The following LCORL variants were observed in gnomAD, a reference collection of about 807,000 sequenced individuals.
The protein encoded by LCORL is ligand-dependent nuclear receptor corepressor-like protein.
Under a neutral mutation model 141.8 loss-of-function variants are expected in LCORL, and 41 were observed. The observed-to-expected ratio is 0.29, with a 90% confidence interval of 0.23 to 0.38. LCORL has a LOEUF of 0.38. LCORL is among the 10% of genes least tolerant of loss of function. The probability of loss-of-function intolerance (pLI) is 1.00; values close to 1 mark genes in which losing one functional copy is unlikely to be tolerated. For synonymous variants in LCORL, 618 were observed against 694.1 expected (o/e 0.89, Z 1.72); for missense variants, 1,759 against 2,035.0 (o/e 0.86, Z 2.61).
At chr4:17,856,323 C>T (rs1211614580) in intron 7 of LCORL, among the ~76,000 whole-genome samples, 4 of 152,054 alleles carry the variant, frequency 2.6e-5, no homozygotes, top group African/African-American at 4.8e-5. Context: ...TAATTAAGGT[C>T]GTAAGAGTGA....
At chr4:18,002,799 A>G (rs572045417) in intron 1 of LCORL, among the ~76,000 whole-genome samples, 14 of 152,300 alleles carry the variant, frequency 9.2e-5, no homozygotes, top group South Asian at 4.1e-4. Context: ...GTCTTCATAT[A>G]TTCTCTTGGG....
chr4:17,941,984 T>C (rs1285729549), intron 4 of LCORL, among the ~76,000 whole-genome samples: 7 of 152,132 alleles, frequency 4.6e-5, no homozygotes, highest in Non-Finnish European at 7.4e-5. Context: ...TTTAAAGTTA[T>C]TGTCTAGAGG....
chr4:17,987,410 G>C (rs1481503321), intron 1 of LCORL, among the ~76,000 whole-genome samples: 2 of 152,054 alleles, frequency 1.3e-5, no homozygotes, highest in African/African-American at 4.8e-5. Flanking sequence ...TTTTATTGCT[G>C]AATAGCAGTC....
chr4:17,885,642 T>C (rs1728165070), intron 6 of LCORL, among the ~76,000 whole-genome samples: 2 of 152,072 alleles, frequency 1.3e-5, no homozygotes, highest in East Asian at 3.9e-4. Flanking sequence ...TGCCACCACA[T>C]CTAAAGTGCA....
chr4:17,842,289 A>G, exon 8 of LCORL: 1 of 1,605,916 alleles, frequency 6.2e-7, no homozygotes, highest in Non-Finnish European at 8.5e-7. Context: ...AATCCTGATA[A>G]TGAATTATAC....
At chr4:17,999,170 C>T (rs57491254) in intron 1 of LCORL, among the ~76,000 whole-genome samples, 11,177 of 51,088 alleles carry the variant, frequency 0.22, 1,421 homozygotes, top group African/African-American at 0.45. Flanking sequence ...ATGCATTGCA[C>T]CACAACCATT....
At chr4:17,965,458 C>G (rs1714679183) in intron 2 of LCORL, among the ~76,000 whole-genome samples, 1 of 152,072 alleles carries the variant, frequency 6.6e-6, no homozygotes, top group Non-Finnish European at 1.5e-5. Context: ...GATGTTATCT[C>G]TCTTTTTGAA....
intron 4 of LCORL, among the ~76,000 whole-genome samples, chr4:17,929,876 T>A (rs1735724153): frequency 6.6e-6 from 1 of 152,086 alleles, no homozygotes. Flanking sequence ...GGGTCCAATA[T>A]CCACCATACA....
chr4:17,925,190 G>C (rs1577438145), intron 4 of LCORL, among the ~76,000 whole-genome samples: 2 of 152,316 alleles, frequency 1.3e-5, no homozygotes, highest in Non-Finnish European at 2.9e-5. Flanking sequence ...GGCTAAGAAG[G>C]GAGTTACAGT....
Position 17,897,223 on chromosome 4 carries a change from T to C in LCORL, c.683-11062A>G, listed in dbSNP as rs1446050053. Among the ~76,000 whole-genome samples, 82 of 102,636 alleles carry C rather than the reference T, an allele frequency of 8.0e-4. 8 individuals are homozygous for C. The highest frequency in any genetic ancestry group is 3.7e-3 in the African/African-American group (66 of 17,646). 67.3% of individuals were successfully genotyped at this position (102,636 alleles called of 152,430 possible). A position where few individuals can be genotyped will look rare whatever the true frequency, so the allele number is the denominator to read the frequency against. On this transcript the variant is annotated intron_variant, in intron 5 of 7. Transcript: ENST00000635767. ...TTGATATACTGATTTCTTTTTTTTT[T>C]TTTTTTTTTTTTTTTTTTTTTTTTT...
At chr4:17,869,186 C>T (rs1376486751) in intron 7 of LCORL, among the ~76,000 whole-genome samples, 1 of 151,816 alleles carries the variant, frequency 6.6e-6, no homozygotes, top group Non-Finnish European at 1.5e-5. Flanking sequence ...TCTTTATCTT[C>T]AATTGTTTAT....
At chr4:17,861,998 C>G (rs753152517) in intron 7 of LCORL, among the ~76,000 whole-genome samples, 1 of 152,208 alleles carries the variant, frequency 6.6e-6, no homozygotes, top group Non-Finnish European at 1.5e-5. Flanking sequence ...CTAGGAAGTT[C>G]CAGACTTTCC....
chr4:17,845,565 AAC>A (rs888143749), exon 8 of LCORL: 22 of 483,684 alleles, frequency 4.5e-5, no homozygotes, highest in African/African-American at 2.0e-4. Context: ...ATGTAAAAAA[AAC>A]ATATAAAGAA....
At chr4:17,848,225 T>C (rs776956096) in intron 7 of LCORL, among the ~76,000 whole-genome samples, 2 of 149,570 alleles carry the variant, frequency 1.3e-5, no homozygotes, top group African/African-American at 4.9e-5. Flanking sequence ...TTAATTCATA[T>C]ATACTTAAAA....
At chr4:17,937,987 T>C (rs1577476751) in intron 4 of LCORL, among the ~76,000 whole-genome samples, 1 of 150,512 alleles carries the variant, frequency 6.6e-6, no homozygotes, top group East Asian at 2.0e-4. Context: ...TTTAGACTTA[T>C]AAATTTAAAC....
At chr4:18,005,907 T>A (rs1205656625) in intron 1 of LCORL, among the ~76,000 whole-genome samples, 1 of 152,296 alleles carries the variant, frequency 6.6e-6, no homozygotes, top group East Asian at 1.9e-4. Flanking sequence ...GGAGACAATT[T>A]CCCCACAGTC....
At chr4:17,950,478 C>T (rs1272611151) in intron 4 of LCORL, among the ~76,000 whole-genome samples, 3 of 152,098 alleles carry the variant, frequency 2.0e-5, no homozygotes, top group Non-Finnish European at 4.4e-5. Flanking sequence ...GGTGCTAATA[C>T]ATTTAATACT....
chr4:17,852,648 C>T (rs972936832), intron 7 of LCORL, among the ~76,000 whole-genome samples: 4 of 152,080 alleles, frequency 2.6e-5, no homozygotes, highest in Non-Finnish European at 5.9e-5. Context: ...GAAATGGTTA[C>T]GTAGGCATCT....
At chr4:17,900,079 ATTTCT>A (rs1730642521) in intron 5 of LCORL, among the ~76,000 whole-genome samples, 1 of 152,104 alleles carries the variant, frequency 6.6e-6, no homozygotes, top group African/African-American at 2.4e-5. Flanking sequence ...GAGGACACTA[ATTTCT>A]TTTTTCTTTT....
Sources: allele counts gnomAD v4.1 joint callset (sites outside exome capture counted in the v4.1 genomes callset), GRCh38; gene constraint gnomAD v4.1.1; transcripts MANE v1.5; gene names NCBI Gene and HGNC (gene_info 2026-07-23, HGNC 2026-07-21).